Variants in CYP7B1 observed in about 807,000 individuals in gnomAD.
The protein encoded by CYP7B1 is cytochrome P450 7B1.
In CYP7B1, 29 loss-of-function variants were observed where a neutral mutation model predicts 42.7. The observed-to-expected ratio is 0.68, with a 90% CI of 0.51 to 0.93. The LOEUF is 0.93. Among genes scored for constraint, CYP7B1 ranks in the 40% least tolerant of loss-of-function variants. The pLI is 0.00. For missense variants in CYP7B1, 655 were observed against 600.5 expected (o/e 1.09, Z -0.95); for synonymous variants, 235 against 218.2 (o/e 1.08, Z -0.68).
chr8:64,709,566 CTG>C (rs1807050226), intron 1 of CYP7B1, among the ~76,000 whole-genome samples: 1 of 152,132 alleles, frequency 6.6e-6, no homozygotes, highest in Non-Finnish European at 1.5e-5. Context: ...ATTTATAAGA[CTG>C]TTCATAAAAA....
intron 1 of CYP7B1, among the ~76,000 whole-genome samples, chr8:64,733,147 G>GCA (rs141985005): frequency 7.9e-5 from 12 of 151,946 alleles, no homozygotes; most frequent in South Asian, 4.2e-4. Flanking sequence ...CAATATGTAT[G>GCA]CACACACACA....
intron 1 of CYP7B1, among the ~76,000 whole-genome samples, chr8:64,785,924 C>A (rs1804519024): frequency 6.6e-6 from 1 of 152,158 alleles, no homozygotes; most frequent in Non-Finnish European, 1.5e-5. Flanking sequence ...GAAACAAACA[C>A]ATCCTTCTTC....
intron 1 of CYP7B1, among the ~76,000 whole-genome samples, chr8:64,682,123 A>C (rs1312163416): frequency 6.6e-6 from 1 of 152,138 alleles, no homozygotes; most frequent in Non-Finnish European, 1.5e-5. Flanking sequence ...TGAGAGGAGG[A>C]AATGATAGGC....
At chr8:64,705,761 T>C (rs1195667838) in intron 1 of CYP7B1, among the ~76,000 whole-genome samples, 2 of 152,044 alleles carry the variant, frequency 1.3e-5, no homozygotes, top group Non-Finnish European at 2.9e-5. Flanking sequence ...TTTGAACAAT[T>C]TAACAGTGAA....
At chr8:64,640,472 G>T (rs575420692) in intron 1 of CYP7B1, among the ~76,000 whole-genome samples, 2 of 152,204 alleles carry the variant, frequency 1.3e-5, no homozygotes, top group South Asian at 2.1e-4. Flanking sequence ...CTTAGATATT[G>T]TTGGCAATTT....
At chr8:64,660,102 C>T (rs553273631) in intron 1 of CYP7B1, among the ~76,000 whole-genome samples, 2 of 152,186 alleles carry the variant, frequency 1.3e-5, no homozygotes, top group Non-Finnish European at 2.9e-5. Context: ...TTCAATTAAT[C>T]TCCAAATAAC....
intron 1 of CYP7B1, among the ~76,000 whole-genome samples, chr8:64,736,511 C>A (rs2129633191): frequency 6.6e-6 from 1 of 152,298 alleles, no homozygotes; most frequent in East Asian, 1.9e-4. Flanking sequence ...AGTGCAGTGG[C>A]ATGATCTTGG....
chr8:64,776,444 T>C (rs989930964), intron 1 of CYP7B1, among the ~76,000 whole-genome samples: 58 of 152,172 alleles, frequency 3.8e-4, no homozygotes, highest in African/African-American at 1.4e-3. Flanking sequence ...CTAGCATTAT[T>C]ATCAATTTGT....
chr8:64,773,290 A>T (rs1300709153), intron 1 of CYP7B1, among the ~76,000 whole-genome samples: 1 of 152,170 alleles, frequency 6.6e-6, no homozygotes, highest in Non-Finnish European at 1.5e-5. Flanking sequence ...TCTGCTCATC[A>T]GCTTTAATTT....
chr8:64,683,642 G>C lies in CYP7B1; in HGVS notation c.123-59103C>G, dbSNP rs376444199. 5.1e-4 allele frequency among the ~76,000 whole-genome samples: 78 copies of C among 152,260 alleles called. 1 individual carries two copies. In the South Asian group the frequency reaches 0.016, roughly 32 times the overall value. Reference sequence around the variant, plus strand: ...AAATAATTAAAGTGATGCTTGAGGAGATGGATACCCCATTTTCCATGATGG... The same window carrying C: ...AAATAATTAAAGTGATGCTTGAGGACATGGATACCCCATTTTCCATGATGG... On this transcript the variant is annotated intron_variant, in intron 1 of 5. Transcript: ENST00000310193.
chr8:64,629,783 C>T (rs1482292213), intron 1 of CYP7B1, among the ~76,000 whole-genome samples: 1 of 152,192 alleles, frequency 6.6e-6, no homozygotes, highest in Non-Finnish European at 1.5e-5. Context: ...CACAAGGAAA[C>T]TTAGAAATGT....
rs181752471 is a variant in CYP7B1, at chr8:64,601,332, C to A, written c.1233+3350G>T. ...TGTTATTTCACCATTGTTTCTTTAC[C>A]TACATGGTTATATAATGCATTGCCA... On this transcript the variant is annotated intron_variant, in intron 5 of 5. Transcript: ENST00000310193. Among the ~76,000 whole-genome samples the A allele has an allele frequency of 2.0e-5, 3 of 152,250 alleles. No homozygotes were observed. In the East Asian group the frequency reaches 5.8e-4, roughly 29 times the overall value.
chr8:64,686,518 C>T (rs1247144625), intron 1 of CYP7B1, among the ~76,000 whole-genome samples: 5 of 59,224 alleles, frequency 8.4e-5, no homozygotes, highest in Admixed American at 2.9e-4. Flanking sequence ...GGGTCAGCCC[C>T]CCTGCCCGGC....
intron 1 of CYP7B1, among the ~76,000 whole-genome samples, chr8:64,756,215 A>G (rs573216569): frequency 3.9e-5 from 6 of 152,246 alleles, no homozygotes; most frequent in South Asian, 4.1e-4. Context: ...TTGGTCTTCA[A>G]TGTGGAGGCA....
chr8:64,781,758 C>T (rs182208841), intron 1 of CYP7B1, among the ~76,000 whole-genome samples: 3 of 152,202 alleles, frequency 2.0e-5, no homozygotes, highest in Admixed American at 6.5e-5. Flanking sequence ...GCCATGTAAC[C>T]GAACATATTC....
intron 1 of CYP7B1, among the ~76,000 whole-genome samples, chr8:64,643,046 T>A (rs1211754805): frequency 3.3e-5 from 5 of 149,704 alleles, no homozygotes; most frequent in African/African-American, 1.2e-4. Flanking sequence ...TAGTCAGTGT[T>A]CTCCAGAATA....
At position 64,593,232 on chromosome 8, in the gene CYP7B1, GGTGTGTGTGTGTGTGTGTGTGTGTGTGT is replaced by G. The variant is rs57590025; in HGVS notation, c.*3382_*3409del. Among the ~76,000 whole-genome samples the G allele has an allele frequency of 1.6e-5, 2 of 123,452 alleles. No homozygotes were observed. Among genetic ancestry groups the G allele is most frequent in the East Asian group, 2.3e-4 (1 of 4,334 alleles). 81.0% of individuals were successfully genotyped at this position (123,452 alleles called of 152,430 possible). A position where few individuals can be genotyped will look rare whatever the true frequency, so the allele number is the denominator to read the frequency against. On this transcript the variant is annotated 3_prime_UTR_variant, in exon 6 of 6. Transcript: ENST00000310193. ...TGGTGGACTAAAGGCTAGGGCCCAG[GGTGTGTGTGTGTGTGTGTGTGTGTGTGT>G]GTGTGTGTGTGTGTGTGTGTGTGTG...
intron 1 of CYP7B1, among the ~76,000 whole-genome samples, chr8:64,778,174 A>AATATATATATATATATATATATATATAT (rs60859854): frequency 3.0e-5 from 4 of 133,246 alleles, no homozygotes; most frequent in Admixed American, 7.6e-5. Flanking sequence ...ACTAGTTTGA[A>AATATATATATATATATATATATATATAT]ATATATATAT....
intron 1 of CYP7B1, among the ~76,000 whole-genome samples, chr8:64,792,424 T>C (rs540832245): frequency 3.9e-5 from 6 of 152,282 alleles, no homozygotes; most frequent in African/African-American, 9.6e-5. Flanking sequence ...GTGCTCTGCA[T>C]AGACAGCTAA....
Sources: allele counts gnomAD v4.1 joint callset (sites outside exome capture counted in the v4.1 genomes callset), GRCh38; gene constraint gnomAD v4.1.1; transcripts MANE v1.5; gene names NCBI Gene and HGNC (gene_info 2026-07-23, HGNC 2026-07-21).